The following TRAIP variants were observed in gnomAD, a reference collection of about 807,000 sequenced individuals.
TRAIP encodes TRAF interacting protein, also known as E3 ubiquitin-protein ligase TRAIP.
TRAIP carries 37 observed loss-of-function variants against 65.0 expected under a neutral mutation model. The ratio of observed to expected loss-of-function variants is 0.57; its 90% CI spans 0.44 to 0.75. The LOEUF (loss-of-function observed/expected upper bound fraction) is 0.75, where lower values mean the gene tolerates loss of function less well. TRAIP is among the 30% of genes least tolerant of loss of function. TRAIP has a pLI of 0.00. For missense variants in TRAIP, 481 were observed against 579.4 expected (o/e 0.83, Z 1.74); for synonymous variants, 187 against 219.1 (o/e 0.85, Z 1.29).
intron 5 of TRAIP, among the ~76,000 whole-genome samples, chr3:49,842,876 T>C (rs2081850603): frequency 6.6e-6 from 1 of 152,178 alleles, no homozygotes; most frequent in African/African-American, 2.4e-5. Context: ...TGGTACATGT[T>C]GTGCAGGTGG....
intron 10 of TRAIP, among the ~76,000 whole-genome samples, chr3:49,837,077 C>T (rs1156444386): frequency 1.3e-5 from 2 of 151,462 alleles, no homozygotes; most frequent in Admixed American, 1.3e-4. Flanking sequence ...CTCACCTCAG[C>T]CTCCCGAGTA....
chr3:49,839,950 G>A, intron 9 of TRAIP, 90 bp from the exon 10 acceptor site: 6 of 1,336,686 alleles, frequency 4.5e-6, no homozygotes, highest in Non-Finnish European at 6.4e-6. Context: ...TGCATGAAAG[G>A]CCAGCCCACT....
chr3:49,842,001 G>T, intron 6 of TRAIP, 62 bp from the exon 7 acceptor site: 1 of 1,320,148 alleles, frequency 7.6e-7, no homozygotes, highest in Non-Finnish European at 1.1e-6. Flanking sequence ...GGTACCCAGT[G>T]CCGCTCTGCC....
chr3:49,848,751 G>C (rs2081906379), intron 1 of TRAIP, among the ~76,000 whole-genome samples: 1 of 152,072 alleles, frequency 6.6e-6, no homozygotes, highest in African/African-American at 2.4e-5. Context: ...TTGAGGTGAT[G>C]GCTACTCTGT....
chr3:49,842,965 T>C (rs1241898961), intron 5 of TRAIP, among the ~76,000 whole-genome samples: 2 of 152,142 alleles, frequency 1.3e-5, no homozygotes, highest in Non-Finnish European at 2.9e-5. Flanking sequence ...AATGAATAAT[T>C]GAGCCAGGGG....
At chr3:49,849,991 C>T (rs998656053) in intron 1 of TRAIP, among the ~76,000 whole-genome samples, 4 of 151,534 alleles carry the variant, frequency 2.6e-5, no homozygotes, top group Non-Finnish European at 4.4e-5. Flanking sequence ...GGACCACAGG[C>T]GTGCACCACC....
intron 3 of TRAIP, among the ~76,000 whole-genome samples, chr3:49,844,797 C>T (rs2081868276): frequency 6.6e-6 from 1 of 152,248 alleles, no homozygotes; most frequent in Non-Finnish European, 1.5e-5. Flanking sequence ...TGGAGGAAAA[C>T]AATCTCAGGG....
chr3:49,845,144 A>G (rs1399014216), intron 3 of TRAIP, among the ~76,000 whole-genome samples: 1 of 151,694 alleles, frequency 6.6e-6, no homozygotes, highest in African/African-American at 2.4e-5. Context: ...CCTGGATGAA[A>G]CCTCCCATGT....
intron 10 of TRAIP, among the ~76,000 whole-genome samples, chr3:49,837,435 C>T (rs1326225763): frequency 6.6e-6 from 1 of 151,966 alleles, no homozygotes; most frequent in Non-Finnish European, 1.5e-5. Flanking sequence ...TGCACTCCAG[C>T]CTGGGCAACA....
rs181349234 is a variant in TRAIP, at chr3:49,832,905, C to T, written c.885-837G>A. 1.2e-4 allele frequency among the ~76,000 whole-genome samples: 18 copies of T among 152,244 alleles called. No homozygotes were observed. The East Asian group carries it at 2.1e-3, about 18-fold the overall frequency. On this transcript the variant is annotated intron_variant, in intron 10 of 14. Transcript: ENST00000331456. ...AACTTTTCAGAGCTGCACCACAATC[C>T]CACTTCCACTGGGGTGTACACATCA...
intron 1 of TRAIP, among the ~76,000 whole-genome samples, chr3:49,850,703 G>C (rs1306392046): frequency 7.3e-6 from 1 of 136,436 alleles, no homozygotes; most frequent in Non-Finnish European, 1.5e-5. Context: ...CAGCCAGGCT[G>C]GAGTTCAGTG....
chr3:49,839,302 T>C (rs923501137), intron 10 of TRAIP, among the ~76,000 whole-genome samples: 1 of 152,020 alleles, frequency 6.6e-6, no homozygotes, highest in African/African-American at 2.4e-5. Context: ...TTGAGGATGC[T>C]CTCAGCTAGT....
At position 49,847,616 on chromosome 3, in the gene TRAIP, G is replaced by C. The variant is rs2081896313; in HGVS notation, c.157-8C>G. On this transcript the variant is annotated splice_region_variant and splice_polypyrimidine_tract_variant and intron_variant, in intron 2 of 14. Transcript: ENST00000331456. ...AATGGTTCTTTTGCCAACCTGGATG[G>C]GAGAACAAGGTAAGAGTATGATTGT... 1 of 1,600,942 alleles carries C rather than the reference G, an allele frequency of 6.2e-7. No individual in the cohort carries two copies. The highest frequency in any genetic ancestry group is 8.5e-7 in the Non-Finnish European group (1 of 1,171,582).
At chr3:49,837,771 G>A (rs939696714) in intron 10 of TRAIP, among the ~76,000 whole-genome samples, 5 of 151,928 alleles carry the variant, frequency 3.3e-5, no homozygotes, top group Admixed American at 2.0e-4. Flanking sequence ...TAGTAGAGAC[G>A]GGGTTTCACC....
Position 49,842,556 on chromosome 3 carries a change from C to T in TRAIP, c.409-9G>A. The T allele has an allele frequency of 3.7e-6, 6 of 1,612,576 alleles. No homozygotes were observed. Among genetic ancestry groups the T allele is most frequent in the Non-Finnish European group, 5.1e-6 (6 of 1,179,722 alleles). Reference sequence around the variant, plus strand: ...AAGTACTTCATCTGCTTCTGAAGAGCAAATACACCCATACCTGATGCTTGG... The same window carrying T: ...AAGTACTTCATCTGCTTCTGAAGAGTAAATACACCCATACCTGATGCTTGG... On this transcript the variant is annotated splice_polypyrimidine_tract_variant and intron_variant, in intron 5 of 14. Coordinates refer to ENST00000331456, the MANE Select transcript of TRAIP (RefSeq NM_005879.3).
rs770330141 is a variant in TRAIP at position 49,832,009 on chromosome 3, T to G, written c.944A>C (p.Asp315Ala). The G allele has an allele frequency of 6.2e-7, 1 of 1,607,308 alleles. No individual in the cohort carries two copies. Among genetic ancestry groups the G allele is most frequent in the East Asian group, 2.3e-5 (1 of 44,092 alleles). Reference protein sequence around the residue: ...LRRPSFRDDIDLNATFDVDTP... With the variant: ...LRRPSFRDDIALNATFDVDTP... Reference sequence around the variant, plus strand: ...ATCCACATCAAAGGTAGCATTGAGATCAATATCATCACGGAAGGATGGCCG... The same window carrying G: ...ATCCACATCAAAGGTAGCATTGAGAGCAATATCATCACGGAAGGATGGCCG... The change falls in exon 11 of 15, where the codon GAT (aspartate) becomes GCT (alanine). Residue 315 changes from aspartate to alanine, a missense_variant. Coordinates refer to ENST00000331456, the MANE Select transcript of TRAIP (RefSeq NM_005879.3).
intron 4 of TRAIP, 83 bp downstream of exon 4, chr3:49,844,458 T>A: frequency 6.6e-6 from 10 of 1,521,786 alleles, no homozygotes; most frequent in Non-Finnish European, 9.0e-6. Context: ...TCCCAAACGG[T>A]TTGAAACCTT....
rs778371244 is a variant in TRAIP, at chr3:49,843,800, CTTTCAG to C, written c.403_408del (p.Leu135_Lys136del). ...TGTACCCATAAAACCTGAGGACCTA[CTTTCAG>C]TGTGGAGCACAGCATCTCGGCCTTG... On this transcript the variant is annotated inframe_deletion and splice_region_variant, in exon 5 of 15. Coordinates refer to ENST00000331456, the MANE Select transcript of TRAIP (RefSeq NM_005879.3). 1.8e-5 allele frequency: 29 copies of C among 1,612,278 alleles called. No individual in the cohort carries two copies. Among genetic ancestry groups the C allele is most frequent in the Non-Finnish European group, 2.4e-5 (28 of 1,178,396 alleles).
chr3:49,829,064 T>G lies in TRAIP; in HGVS notation c.*39A>C. On this transcript the variant is annotated 3_prime_UTR_variant, in exon 15 of 15. Coordinates refer to ENST00000331456, the MANE Select transcript of TRAIP (RefSeq NM_005879.3). ...CCTGGACAGTCCTTGACCTACAAGT[T>G]GCAGGCATGTGTCTGGCCATTGGTC... 5 of 1,614,016 alleles carry G rather than the reference T, an allele frequency of 3.1e-6. No individual in the cohort carries two copies. Among genetic ancestry groups the G allele is most frequent in the Non-Finnish European group, 4.2e-6 (5 of 1,179,912 alleles).
Sources: allele counts gnomAD v4.1 joint callset (sites outside exome capture counted in the v4.1 genomes callset), GRCh38; gene constraint gnomAD v4.1.1; transcripts MANE v1.5; gene names NCBI Gene and HGNC (gene_info 2026-07-23, HGNC 2026-07-21).